CSMD1: variants seen among roughly 807,000 people sequenced by gnomAD.
CSMD1 encodes CUB and sushi domain-containing protein 1.
Under a neutral mutation model 417.5 loss-of-function variants are expected in CSMD1, and 213 were observed. That is an observed-to-expected ratio of 0.51 (90% CI 0.46 to 0.57). The LOEUF (loss-of-function observed/expected upper bound fraction) is 0.57. Ranked by LOEUF, CSMD1 falls within the 20% of genes least tolerant of loss-of-function variation. The pLI is 0.00. For missense variants in CSMD1, 6,923 were observed against 4,529.7 expected (o/e 1.53, Z -15.17); for synonymous variants, 2,862 against 1,736.8 (o/e 1.65, Z -16.11).
At chr8:4,589,245 A>G (rs1024991991) in intron 2 of CSMD1, among the ~76,000 whole-genome samples, 1 of 152,178 alleles carries the variant, frequency 6.6e-6, no homozygotes, top group Non-Finnish European at 1.5e-5. Flanking sequence ...TGGAAAATAA[A>G]TCTAATTTTT....
intron 5 of CSMD1, among the ~76,000 whole-genome samples, chr8:3,983,332 G>T (rs1207515241): frequency 6.6e-6 from 1 of 151,852 alleles, no homozygotes. Flanking sequence ...GGGTTTCACC[G>T]TGTTGGCCAG....
chr8:4,155,524 G>A (rs966675075), intron 3 of CSMD1, among the ~76,000 whole-genome samples: 1 of 152,126 alleles, frequency 6.6e-6, no homozygotes, highest in African/African-American at 2.4e-5. Flanking sequence ...AAACTTAAAT[G>A]GTTAAAAAAG....
chr8:4,171,919 T>C lies in CSMD1; in HGVS notation c.416-139820A>G, dbSNP rs78864961. On this transcript the variant is annotated intron_variant, in intron 3 of 69. Coordinates refer to ENST00000635120, the MANE Select transcript of CSMD1 (RefSeq NM_033225.6). Reference sequence around the variant, plus strand: ...TCTGCATGTTTTTACATAAATTATGTTTCTCGCAATACTCTAGATTTTGTG... The same window carrying C: ...TCTGCATGTTTTTACATAAATTATGCTTCTCGCAATACTCTAGATTTTGTG... Among the ~76,000 whole-genome samples, 1,226 of 152,292 alleles carry C rather than the reference T, an allele frequency of 8.1e-3. 21 individuals are homozygous for C. Among genetic ancestry groups the C allele is most frequent in the African/African-American group, 0.029 (1,187 of 41,536 alleles).
intron 7 of CSMD1, among the ~76,000 whole-genome samples, chr8:3,638,047 G>C (rs911824696): frequency 6.6e-6 from 1 of 152,084 alleles, no homozygotes; most frequent in African/African-American, 2.4e-5. Context: ...TCTCAGGTAT[G>C]TCCTTATAGG....
rs184925069 is a variant in CSMD1, at chr8:4,070,348, C to G, written c.416-38249G>C. On this transcript the variant is annotated intron_variant, in intron 3 of 69. Coordinates refer to ENST00000635120, the MANE Select transcript of CSMD1 (RefSeq NM_033225.6). ...CAGAGAAAATGTCTTCTTATATTAA[C>G]CAAAATATTTACCACCTATAATGTT... Among the ~76,000 whole-genome samples, 401 of 152,106 alleles carry G rather than the reference C, an allele frequency of 2.6e-3. 3 individuals carry two copies. Among genetic ancestry groups the G allele is most frequent in the African/African-American group, 9.2e-3 (380 of 41,514 alleles).
At chr8:3,124,661 A>C (rs1409984689) in intron 41 of CSMD1, among the ~76,000 whole-genome samples, 5 of 152,114 alleles carry the variant, frequency 3.3e-5, no homozygotes, top group African/African-American at 1.2e-4. Context: ...GCCCCTTTTC[A>C]CACTCTCGCC....
intron 4 of CSMD1, among the ~76,000 whole-genome samples, chr8:4,027,020 A>G (rs1052088139): frequency 2.0e-5 from 3 of 152,222 alleles, no homozygotes; most frequent in African/African-American, 4.8e-5. Flanking sequence ...AGCTAACCAC[A>G]TGATGTCAAG....
rs376442581 is a variant in CSMD1 at position 3,796,093 on chromosome 8, C to G, written c.819-42051G>C. Among the ~76,000 whole-genome samples the G allele has an allele frequency of 2.0e-3, 43 of 21,902 alleles. 2 individuals carry two copies. The highest frequency in any genetic ancestry group is 4.1e-3 in the African/African-American group (30 of 7,366). The allele number at this position is 21,902 out of a possible 152,430, so 14.4% of individuals were successfully genotyped here. A position where few individuals can be genotyped will look rare whatever the true frequency, so the allele number is the denominator to read the frequency against. On this transcript the variant is annotated intron_variant, in intron 5 of 69. Coordinates refer to ENST00000635120, the MANE Select transcript of CSMD1 (RefSeq NM_033225.6). ...ATCATAGATATAGATATATATCTAT[C>G]ATAGATATAGATATATATCTATCAT...
intron 3 of CSMD1, among the ~76,000 whole-genome samples, chr8:4,261,457 G>A (rs931009453): frequency 1.3e-5 from 2 of 152,164 alleles, no homozygotes; most frequent in Admixed American, 6.6e-5. Context: ...CTTCCAGTTC[G>A]AAGATGCATC....
intron 2 of CSMD1, among the ~76,000 whole-genome samples, chr8:4,606,181 G>A (rs1800858065): frequency 6.6e-6 from 1 of 152,134 alleles, no homozygotes; most frequent in East Asian, 1.9e-4. Context: ...ACTGTCACTG[G>A]GCACTGCACT....
chr8:4,147,234 T>G (rs138888809), intron 3 of CSMD1, among the ~76,000 whole-genome samples: 1,728 of 152,266 alleles, frequency 0.011, 16 homozygotes, highest in Non-Finnish European at 0.019. Flanking sequence ...ATGATTTGAC[T>G]GCTGCCTACC....
rs141184857 is a variant in CSMD1 at position 3,955,225 on chromosome 8, G to T, written c.818+42678C>A. ...CACCTTGAATGCGCCTCTCTCTCCT[G>T]TGAGAGGCCCCCACAGATCCCACCG... On this transcript the variant is annotated intron_variant, in intron 5 of 69. Transcript: ENST00000635120. Among the ~76,000 whole-genome samples, 461 of 152,240 alleles carry T rather than the reference G, an allele frequency of 3.0e-3. 4 individuals are homozygous for T. The highest frequency in any genetic ancestry group is 0.011 in the African/African-American group (444 of 41,544).
chr8:4,858,381 T>A (rs1244853851), intron 1 of CSMD1, among the ~76,000 whole-genome samples: 1 of 151,232 alleles, frequency 6.6e-6, no homozygotes, highest in African/African-American at 2.4e-5. Flanking sequence ...CTCTCACCAC[T>A]CCTATTCAAC....
At chr8:3,721,916 C>G (rs1563310019) in intron 6 of CSMD1, among the ~76,000 whole-genome samples, 1 of 152,136 alleles carries the variant, frequency 6.6e-6, no homozygotes, top group South Asian at 2.1e-4. Flanking sequence ...ATGGGAAGTA[C>G]TGATGCATCT....
In CSMD1 at chr8:4,130,975, T is replaced by C. The variant is rs546253580; in HGVS notation, c.416-98876A>G. 4.5e-4 allele frequency among the ~76,000 whole-genome samples: 69 copies of C among 152,274 alleles called. 1 individual carries two copies. The Middle Eastern group carries it at 0.01, about 23-fold the overall frequency. On this transcript the variant is annotated intron_variant, in intron 3 of 69. Coordinates refer to ENST00000635120, the MANE Select transcript of CSMD1 (RefSeq NM_033225.6). ...CTATAAAATAGAAAACATTATACTT[T>C]GGTCTTAAAAGTCTCTCCCTGCTGT...
chr8:3,216,146 C>T (rs1366165241), intron 29 of CSMD1, among the ~76,000 whole-genome samples: 2 of 151,396 alleles, frequency 1.3e-5, no homozygotes, highest in East Asian at 3.9e-4. Context: ...GCCTTCAAAC[C>T]AGTGCTCTCT....
At chr8:4,591,839 G>A (rs537268681) in intron 2 of CSMD1, among the ~76,000 whole-genome samples, 6 of 152,274 alleles carry the variant, frequency 3.9e-5, no homozygotes, top group African/African-American at 1.2e-4. Context: ...GGGGGCCTCT[G>A]GAACAAGGCA....
At chr8:4,160,609 A>T (rs926160966) in intron 3 of CSMD1, among the ~76,000 whole-genome samples, 1 of 152,176 alleles carries the variant, frequency 6.6e-6, no homozygotes, top group Non-Finnish European at 1.5e-5. Context: ...CACACTGTGG[A>T]TGTCCCCACT....
At chr8:4,933,288 G>T (rs11136805) in intron 1 of CSMD1, among the ~76,000 whole-genome samples, 38,967 of 151,900 alleles carry the variant, frequency 0.26, 5,287 homozygotes, top group East Asian at 0.33. Flanking sequence ...CATTCTCTCA[G>T]AGGAGCACAA....
Sources: gnomAD v4.1 joint callset for allele counts (sites outside exome capture counted in the v4.1 genomes callset) on GRCh38, gnomAD v4.1.1 for gene constraint, MANE v1.5 for transcripts, NCBI Gene and HGNC (gene_info 2026-07-23, HGNC 2026-07-21) for gene names.